FAM135B: variants seen among roughly 807,000 people sequenced by gnomAD.
FAM135B encodes protein FAM135B.
Under a neutral mutation model 127.7 loss-of-function variants are expected in FAM135B, and 43 were observed. That is an observed-to-expected ratio of 0.34 (90% CI 0.26 to 0.43). The LOEUF (loss-of-function observed/expected upper bound fraction) is 0.43. FAM135B is among the 20% of genes least tolerant of loss of function. FAM135B has a pLI of 1.00. For synonymous variants in FAM135B, 670 were observed against 665.1 expected, an observed-to-expected ratio of 1.01 and a Z score of -0.11; for missense variants, 1,558 against 1,725.6, an observed-to-expected ratio of 0.90 and a Z score of 1.72.
chr8:138,206,450 TAC>T (rs1817626650), intron 7 of FAM135B, among the ~76,000 whole-genome samples: 1 of 150,642 alleles, frequency 6.6e-6, no homozygotes, highest in Non-Finnish European at 1.5e-5. Flanking sequence ...CCCCTCCATC[TAC>T]ACACAACTCC....
At chr8:138,356,151 G>A (rs1407845701) in intron 2 of FAM135B, among the ~76,000 whole-genome samples, 3 of 152,138 alleles carry the variant, frequency 2.0e-5, no homozygotes, top group Admixed American at 6.6e-5. Context: ...CCAGAACTGT[G>A]AGAAAATAAG....
intron 12 of FAM135B, among the ~76,000 whole-genome samples, chr8:138,164,530 C>CTCCCA (rs1205729418): frequency 7.2e-5 from 11 of 152,190 alleles, no homozygotes; most frequent in Admixed American, 7.2e-4. Flanking sequence ...GCAAACCTGC[C>CTCCCA]TCCCATTCTA....
intron 2 of FAM135B, among the ~76,000 whole-genome samples, chr8:138,364,377 G>A (rs75823646): frequency 0.032 from 4,810 of 152,252 alleles, 214 homozygotes; most frequent in African/African-American, 0.1. Context: ...TGATGAGACC[G>A]TAGAGATGTG....
intron 2 of FAM135B, among the ~76,000 whole-genome samples, chr8:138,353,845 A>G (rs957799284): frequency 6.6e-6 from 1 of 152,122 alleles, no homozygotes; most frequent in Non-Finnish European, 1.5e-5. Flanking sequence ...TTATGAGCTG[A>G]TGAATCCCAG....
At chr8:138,482,775 C>A (rs1814835079) in intron 1 of FAM135B, among the ~76,000 whole-genome samples, 1 of 152,080 alleles carries the variant, frequency 6.6e-6, no homozygotes, top group Non-Finnish European at 1.5e-5. Flanking sequence ...AGGATTAAAC[C>A]CAGTTTTCTG....
intron 8 of FAM135B, among the ~76,000 whole-genome samples, chr8:138,197,075 ATGTGTGTGTGTGTGTG>A (rs6150843): frequency 2.9e-4 from 39 of 132,354 alleles, no homozygotes; most frequent in South Asian, 2.7e-4. Flanking sequence ...ATGTATGCAT[ATGTGTGTGTGTGTGTG>A]TGTGTGTGTG....
intron 2 of FAM135B, among the ~76,000 whole-genome samples, chr8:138,326,599 C>A (rs960186560): frequency 6.6e-6 from 1 of 152,082 alleles, no homozygotes; most frequent in African/African-American, 2.4e-5. Flanking sequence ...CAGTTCCAAG[C>A]AGTCAGAAGG....
intron 1 of FAM135B, among the ~76,000 whole-genome samples, chr8:138,404,721 A>G (rs1027759956): frequency 4.6e-5 from 7 of 152,170 alleles, no homozygotes; most frequent in Non-Finnish European, 5.9e-5. Flanking sequence ...GCTCATAAGA[A>G]GCAACTTCTC....
At chr8:138,173,825 C>T (rs1346017374) in intron 11 of FAM135B, among the ~76,000 whole-genome samples, 1 of 152,222 alleles carries the variant, frequency 6.6e-6, no homozygotes, top group African/African-American at 2.4e-5. Context: ...TCCATCACCA[C>T]TTCCACATTC....
chr8:138,193,319 TTAAATA>T (rs1184492422), intron 9 of FAM135B, among the ~76,000 whole-genome samples: 3 of 152,180 alleles, frequency 2.0e-5, no homozygotes, highest in Non-Finnish European at 4.4e-5. Flanking sequence ...TCCCTGCTGA[TTAAATA>T]TAAGTCGGTG....
chr8:138,420,562 AAC>A (rs1240145437), intron 1 of FAM135B, among the ~76,000 whole-genome samples: 1 of 151,972 alleles, frequency 6.6e-6, no homozygotes, highest in African/African-American at 2.4e-5. Flanking sequence ...AGAAAAAGAA[AAC>A]AGTCCACTAT....
intron 1 of FAM135B, among the ~76,000 whole-genome samples, chr8:138,485,852 G>C (rs1814963958): frequency 6.6e-6 from 1 of 152,132 alleles, no homozygotes; most frequent in Non-Finnish European, 1.5e-5. Flanking sequence ...TAAGAGACGA[G>C]GCCATGTTCG....
intron 2 of FAM135B, among the ~76,000 whole-genome samples, chr8:138,344,790 T>C (rs1048346602): frequency 1.3e-5 from 2 of 152,074 alleles, no homozygotes; most frequent in Non-Finnish European, 2.9e-5. Flanking sequence ...TTAGCCAGGA[T>C]GGTCTCGATC....
intron 1 of FAM135B, among the ~76,000 whole-genome samples, chr8:138,444,229 T>C (rs1471145751): frequency 2.0e-5 from 3 of 152,110 alleles, no homozygotes; most frequent in African/African-American, 7.2e-5. Flanking sequence ...ACTGTCAACA[T>C]TAGACAGGTC....
intron 2 of FAM135B, among the ~76,000 whole-genome samples, chr8:138,367,684 G>A (rs1042599117): frequency 3.3e-5 from 5 of 152,044 alleles, no homozygotes; most frequent in Non-Finnish European, 7.4e-5. Context: ...TGCAGGGGGA[G>A]GAGATGAATT....
chr8:138,468,758 T>C (rs1001160200), intron 1 of FAM135B, among the ~76,000 whole-genome samples: 4 of 152,072 alleles, frequency 2.6e-5, no homozygotes, highest in Non-Finnish European at 4.4e-5. Context: ...TAATTGAAAA[T>C]TGGAGGCCGG....
chr8:138,401,743 A>G (rs1435512734), intron 1 of FAM135B, among the ~76,000 whole-genome samples: 1 of 152,234 alleles, frequency 6.6e-6, no homozygotes, highest in Non-Finnish European at 1.5e-5. Context: ...TCCTTTCTTA[A>G]GAGCCAGTGA....
Position 138,130,329 on chromosome 8 carries a change from G to T in FAM135B, c.*2264C>A, listed in dbSNP as rs1816100627. On this transcript the variant is annotated 3_prime_UTR_variant, in exon 20 of 20. Transcript: ENST00000395297. ...ACACTCTTATTTACAATATAGAGAT[G>T]TACTTTCTACACAATTATAATAGAT... The T allele has an allele frequency of 6.6e-6, 1 of 152,064 alleles. No individual in the cohort carries two copies. The highest frequency in any genetic ancestry group is 1.5e-5 in the Non-Finnish European group (1 of 68,030). 9.4% of individuals were successfully genotyped at this position (152,064 alleles called of 1,614,324 possible).
intron 1 of FAM135B, among the ~76,000 whole-genome samples, chr8:138,405,180 C>T: frequency 6.6e-6 from 1 of 151,910 alleles, no homozygotes; most frequent in East Asian, 1.9e-4. Context: ...TGAACAGGTG[C>T]ATTTTCAATG....
Sources: gnomAD v4.1 joint callset for allele counts (sites outside exome capture counted in the v4.1 genomes callset) on GRCh38, gnomAD v4.1.1 for gene constraint, MANE v1.5 for transcripts, NCBI Gene and HGNC (gene_info 2026-07-23, HGNC 2026-07-21) for gene names.